Variants in NLGN1 observed in about 807,000 individuals in gnomAD.
NLGN1 encodes neuroligin-1.
Under a neutral mutation model 65.5 loss-of-function variants are expected in NLGN1, and 12 were observed. That is an observed-to-expected ratio of 0.18 (90% confidence interval 0.12 to 0.30). NLGN1 has a LOEUF of 0.30. Ranked by LOEUF, NLGN1 falls within the 10% of genes least tolerant of loss-of-function variation. The pLI is 1.00. For missense variants in NLGN1, 750 were observed against 1,007.1 expected (o/e 0.74, Z 3.46); for synonymous variants, 350 against 359.5 (o/e 0.97, Z 0.30).
chr3:173,763,118 C>A (rs1313716078), intron 3 of NLGN1, among the ~76,000 whole-genome samples: 1 of 151,976 alleles, frequency 6.6e-6, no homozygotes, highest in African/African-American at 2.4e-5. Flanking sequence ...TGGGAGCTTA[C>A]TTCATTCTTT....
chr3:174,231,949 A>C (rs1740782612), intron 4 of NLGN1, among the ~76,000 whole-genome samples: 1 of 152,190 alleles, frequency 6.6e-6, no homozygotes, highest in East Asian at 1.9e-4. Context: ...CCATTTAAAT[A>C]GTCATCTGTT....
At chr3:173,943,241 A>AAT (rs1746479378) in intron 4 of NLGN1, among the ~76,000 whole-genome samples, 1 of 151,752 alleles carries the variant, frequency 6.6e-6, no homozygotes. Flanking sequence ...AAAAAAAATA[A>AAT]TGAAGGGTAT....
At chr3:174,073,241 C>T (rs1183496165) in intron 4 of NLGN1, among the ~76,000 whole-genome samples, 3 of 151,530 alleles carry the variant, frequency 2.0e-5, no homozygotes, top group Non-Finnish European at 4.4e-5. Flanking sequence ...ATACAGAAGC[C>T]ATTCTTTTAG....
intron 3 of NLGN1, among the ~76,000 whole-genome samples, chr3:173,746,778 G>A (rs1775446574): frequency 6.6e-6 from 1 of 151,918 alleles, no homozygotes; most frequent in Non-Finnish European, 1.5e-5. Flanking sequence ...CCTTTAGGCT[G>A]GGGGTGCTAA....
chr3:173,692,166 T>C (rs1765566940), intron 3 of NLGN1, among the ~76,000 whole-genome samples: 1 of 152,090 alleles, frequency 6.6e-6, no homozygotes, highest in Non-Finnish European at 1.5e-5. Context: ...CATAAGGCAT[T>C]CTCAACTGGA....
intron 4 of NLGN1, among the ~76,000 whole-genome samples, chr3:173,999,509 A>G (rs990310961): frequency 1.3e-5 from 2 of 152,190 alleles, no homozygotes; most frequent in Non-Finnish European, 2.9e-5. Context: ...ATCTTGTAAT[A>G]ATGGGAAAAT....
rs189350650 is a variant in NLGN1, at chr3:173,590,185, A to T, written c.-320-14094A>T. On this transcript the variant is annotated intron_variant, in intron 2 of 6. Transcript: ENST00000457714. ...TAACTATAGAGCTAAAAGGAATAAA[A>T]GTTCACTTCAGCAACCATTATGTTA... Among the ~76,000 whole-genome samples, 52 of 152,314 alleles carry T rather than the reference A, an allele frequency of 3.4e-4. No individual in the cohort carries two copies. The East Asian group carries it at 6.4e-3, about 19-fold the overall frequency.
chr3:173,553,059 T>G (rs1741145095), intron 2 of NLGN1, among the ~76,000 whole-genome samples: 1 of 152,156 alleles, frequency 6.6e-6, no homozygotes, highest in East Asian at 1.9e-4. Context: ...CAGTGCACAT[T>G]AAAATTTACG....
At position 174,033,872 on chromosome 3, in the gene NLGN1, G is replaced by A. The variant is rs113884309; in HGVS notation, c.646+226040G>A. Among the ~76,000 whole-genome samples the A allele has an allele frequency of 6.2e-3, 939 of 152,152 alleles. 2 individuals carry two copies. The highest frequency in any genetic ancestry group is 9.0e-3 in the Non-Finnish European group (612 of 67,980). On this transcript the variant is annotated intron_variant, in intron 4 of 6. Transcript: ENST00000457714. Reference sequence around the variant, plus strand: ...ATAGAAAGGGAAGAAAGAGAGAATGGAGCAGAAGATATCCTGAAAGTAATA... The same window carrying A: ...ATAGAAAGGGAAGAAAGAGAGAATGAAGCAGAAGATATCCTGAAAGTAATA...
intron 4 of NLGN1, among the ~76,000 whole-genome samples, chr3:173,879,806 A>G (rs1239909874): frequency 6.6e-6 from 1 of 152,164 alleles, no homozygotes; most frequent in African/African-American, 2.4e-5. Context: ...CATGTTTTCT[A>G]GAATTTCTAG....
chr3:173,748,599 C>T (rs1349695540), intron 3 of NLGN1, among the ~76,000 whole-genome samples: 1 of 152,100 alleles, frequency 6.6e-6, no homozygotes, highest in African/African-American at 2.4e-5. Context: ...GCCTAATTTA[C>T]ATGTTATCAC....
Position 173,597,526 on chromosome 3 carries a change from C to A in NLGN1, c.-320-6753C>A, listed in dbSNP as rs1023946388. On this transcript the variant is annotated intron_variant, in intron 2 of 6. Coordinates refer to ENST00000457714, the Ensembl canonical transcript of NLGN1. Reference sequence around the variant, plus strand: ...AGATTCTCTCTGGTTTCTTTTACACCAATTCATTCACAAAAGTAATGATTC... The same window carrying A: ...AGATTCTCTCTGGTTTCTTTTACACAAATTCATTCACAAAAGTAATGATTC... 5.3e-5 allele frequency among the ~76,000 whole-genome samples: 8 copies of A among 151,980 alleles called. No individual in the cohort carries two copies. In the South Asian group the frequency reaches 8.3e-4, roughly 16 times the overall value.
At chr3:174,099,017 C>T (rs1353428800) in intron 4 of NLGN1, among the ~76,000 whole-genome samples, 1 of 152,098 alleles carries the variant, frequency 6.6e-6, no homozygotes, top group Non-Finnish European at 1.5e-5. Context: ...AAGTTGGGCT[C>T]CCTGCTGTGA....
chr3:174,065,730 A>G (rs1288145957), intron 4 of NLGN1, among the ~76,000 whole-genome samples: 1 of 152,022 alleles, frequency 6.6e-6, no homozygotes, highest in Non-Finnish European at 1.5e-5. Flanking sequence ...AAAAAAAACA[A>G]CATGACATTT....
intron 4 of NLGN1, among the ~76,000 whole-genome samples, chr3:174,248,754 C>T (rs1336244220): frequency 6.6e-6 from 1 of 152,066 alleles, no homozygotes; most frequent in Admixed American, 6.6e-5. Context: ...GAGTGAAACT[C>T]TGCCTCAAAA....
chr3:173,714,141 A>G (rs910295956), intron 3 of NLGN1, among the ~76,000 whole-genome samples: 1 of 152,150 alleles, frequency 6.6e-6, no homozygotes, highest in Non-Finnish European at 1.5e-5. Context: ...TCTTTTGAAA[A>G]CATTTATTTT....
intron 2 of NLGN1, among the ~76,000 whole-genome samples, chr3:173,499,265 C>G (rs1730581776): frequency 6.6e-6 from 1 of 151,794 alleles, no homozygotes; most frequent in Non-Finnish European, 1.5e-5. Context: ...TTTCAGCTTT[C>G]TACATATGGC....
At chr3:173,458,321 T>A (rs985743750) in intron 2 of NLGN1, among the ~76,000 whole-genome samples, 1 of 152,062 alleles carries the variant, frequency 6.6e-6, no homozygotes, top group Non-Finnish European at 1.5e-5. Context: ...CAGAATAAAG[T>A]GTTTTTAGAA....
intron 4 of NLGN1, among the ~76,000 whole-genome samples, chr3:174,004,966 G>A (rs548321263): frequency 6.6e-6 from 1 of 152,156 alleles, no homozygotes; most frequent in Admixed American, 6.5e-5. Context: ...AATGATAAAA[G>A]CCTCTAAAGA....
Sources: gnomAD v4.1 joint callset for allele counts (sites outside exome capture counted in the v4.1 genomes callset) on GRCh38, gnomAD v4.1.1 for gene constraint, MANE v1.5 for transcripts, NCBI Gene and HGNC (gene_info 2026-07-23, HGNC 2026-07-21) for gene names.